Variants in RAD18 observed in about 807,000 individuals in gnomAD.
RAD18 encodes E3 ubiquitin-protein ligase RAD18.
A neutral mutation model predicts 60.4 loss-of-function variants in RAD18; 47 were observed. The ratio of observed to expected loss-of-function variants is 0.78; its 90% CI spans 0.62 to 0.99. The LOEUF (loss-of-function observed/expected upper bound fraction) is 0.99. RAD18 is among the 50% of genes least tolerant of loss of function. The pLI is 0.00. For missense variants in RAD18, 640 were observed against 593.3 expected (o/e 1.08, Z -0.82); for synonymous variants, 225 against 195.5 (o/e 1.15, Z -1.26).
At chr3:8,888,267 G>A (rs967903540) in intron 12 of RAD18, among the ~76,000 whole-genome samples, 1 of 152,088 alleles carries the variant, frequency 6.6e-6, no homozygotes, top group South Asian at 2.1e-4. Flanking sequence ...CCTGTGTCTC[G>A]TGGCCACACT....
intron 6 of RAD18, among the ~76,000 whole-genome samples, chr3:8,938,143 T>C (rs190159317): frequency 1.3e-5 from 2 of 152,326 alleles, no homozygotes; most frequent in East Asian, 3.9e-4. Flanking sequence ...GGACTATTCA[T>C]TTACTCCAAA....
In RAD18 at chr3:8,941,632, C is replaced by G; in HGVS notation, c.439G>C (p.Glu147Gln). 6.2e-7 allele frequency: 1 copy of G among 1,614,128 alleles called. No individual in the cohort carries two copies. The highest frequency in any genetic ancestry group is 8.5e-7 in the Non-Finnish European group (1 of 1,180,016). The stretch of plus-strand genomic sequence containing the variant: ...CTTTTATTTTCTTTTATCAACAACT[C>G]TGATGTAGAACCACTCATTTCTCTG... Reference protein sequence around the residue: ...LIREMSGSTSELLIKENKSKF... With the variant: ...LIREMSGSTSQLLIKENKSKF... The change falls in exon 5 of 13, where the codon GAG (glutamate) becomes CAG (glutamine). Residue 147 changes from glutamate (E) to glutamine (Q), a missense_variant. Physicochemically the swap from Glu to Gln is conservative, Grantham distance 29. Coordinates refer to ENST00000264926, the MANE Select transcript of RAD18 (RefSeq NM_020165.4).
chr3:8,959,229 G>C (rs1941059433), intron 1 of RAD18, among the ~76,000 whole-genome samples: 1 of 152,220 alleles, frequency 6.6e-6, no homozygotes, highest in Non-Finnish European at 1.5e-5. Context: ...GCTTTAGACA[G>C]CTAAAGATGA....
chr3:8,909,277 G>A (rs1940065641), intron 9 of RAD18, among the ~76,000 whole-genome samples: 2 of 152,204 alleles, frequency 1.3e-5, no homozygotes, highest in South Asian at 4.1e-4. Flanking sequence ...TGTAGCTTAA[G>A]AGAAATCGAA....
intron 10 of RAD18, among the ~76,000 whole-genome samples, chr3:8,899,645 AAAT>A (rs551314254): frequency 1.9e-3 from 294 of 152,330 alleles, no homozygotes; most frequent in Middle Eastern, 6.8e-3. Context: ...TTGCAGATAA[AAAT>A]AAAGACCCCA....
At chr3:8,899,594 C>T (rs1939866713) in intron 10 of RAD18, among the ~76,000 whole-genome samples, 1 of 152,146 alleles carries the variant, frequency 6.6e-6, no homozygotes, top group South Asian at 2.1e-4. Flanking sequence ...ATCACATTTC[C>T]GTGCATTCTT....
At chr3:8,913,767 T>A (rs754648967) in intron 7 of RAD18, 47 bp from the exon 8 acceptor site, 31 of 1,222,608 alleles carry the variant, frequency 2.5e-5, no homozygotes, top group African/African-American at 2.5e-4. Context: ...ATGTCTTTTT[T>A]AATCACTGTA....
chr3:8,935,763 A>G (rs2125064751), intron 7 of RAD18, 108 bp downstream of exon 7: 1 of 1,079,440 alleles, frequency 9.3e-7, no homozygotes. Context: ...CGTCTTATCT[A>G]TCAAAAATGT....
At chr3:8,961,717 C>G (rs1160578564) in intron 1 of RAD18, among the ~76,000 whole-genome samples, 3 of 152,006 alleles carry the variant, frequency 2.0e-5, no homozygotes, top group South Asian at 4.1e-4. Flanking sequence ...CCAATGTGAG[C>G]AAAAAAATAC....
chr3:8,888,271 C>T (rs548763036), intron 12 of RAD18, among the ~76,000 whole-genome samples: 2 of 152,270 alleles, frequency 1.3e-5, no homozygotes, highest in East Asian at 3.9e-4. Flanking sequence ...TGTCTCGTGG[C>T]CACACTGACT....
chr3:8,926,942 T>A (rs372804730), intron 7 of RAD18, among the ~76,000 whole-genome samples: 4 of 151,964 alleles, frequency 2.6e-5, no homozygotes, highest in Admixed American at 1.3e-4. Context: ...GTTAGACCTA[T>A]AACCATAAAA....
At chr3:8,933,534 A>T (rs1345235605) in intron 7 of RAD18, among the ~76,000 whole-genome samples, 1 of 152,224 alleles carries the variant, frequency 6.6e-6, no homozygotes, top group Non-Finnish European at 1.5e-5. Context: ...AAACTATAGA[A>T]AAACCAGTTG....
At chr3:8,940,763 T>C (rs1210125012) in intron 5 of RAD18, among the ~76,000 whole-genome samples, 3 of 152,234 alleles carry the variant, frequency 2.0e-5, no homozygotes, top group Non-Finnish European at 4.4e-5. Flanking sequence ...AGTGAGGATC[T>C]GGATAGAGTC....
Position 8,920,629 on chromosome 3 carries a change from G to T in RAD18, c.890-6909C>A, listed in dbSNP as rs1940301374. Reference sequence around the variant, plus strand: ...ATGAGGGGTACACAGATGTCAAATGGCTCTAGATGTAATATTCCGAAGACA... The same window carrying T: ...ATGAGGGGTACACAGATGTCAAATGTCTCTAGATGTAATATTCCGAAGACA... On this transcript the variant is annotated intron_variant, in intron 7 of 12. Transcript: ENST00000264926. Among the ~76,000 whole-genome samples, 3 of 151,388 alleles carry T rather than the reference G, an allele frequency of 2.0e-5. No individual in the cohort carries two copies. In the Admixed American group the frequency reaches 2.0e-4, roughly 10 times the overall value.
chr3:8,950,036 T>G (rs918027102), intron 2 of RAD18, among the ~76,000 whole-genome samples: 4 of 152,018 alleles, frequency 2.6e-5, no homozygotes, highest in African/African-American at 9.7e-5. Flanking sequence ...TTTTGTTTTG[T>G]TTTTTCCCCT....
intron 4 of RAD18, among the ~76,000 whole-genome samples, chr3:8,946,064 CT>C (rs60049161): frequency 0.83 from 127,039 of 152,180 alleles, 53,254 homozygotes; most frequent in South Asian, 0.9. Context: ...TGGTAAGGGC[CT>C]TAGGCCTTCA....
At chr3:8,899,725 T>G (rs569849808) in intron 10 of RAD18, among the ~76,000 whole-genome samples, 1 of 152,360 alleles carries the variant, frequency 6.6e-6, no homozygotes, top group South Asian at 2.1e-4. Flanking sequence ...TCTACAAATA[T>G]GAGTGGAAGA....
chr3:8,947,429 T>C (rs902607373), intron 3 of RAD18, 139 bp from the exon 4 acceptor site: 3 of 666,602 alleles, frequency 4.5e-6, no homozygotes, highest in Non-Finnish European at 7.9e-6. Context: ...CAAAATAAAG[T>C]TCATTTATCT....
intron 6 of RAD18, among the ~76,000 whole-genome samples, chr3:8,936,509 C>T (rs1031841156): frequency 6.6e-6 from 1 of 152,196 alleles, no homozygotes; most frequent in Non-Finnish European, 1.5e-5. Flanking sequence ...ACAGGAACTT[C>T]TTAGTGAGTT....
Sources: gnomAD v4.1 joint callset for allele counts (sites outside exome capture counted in the v4.1 genomes callset) on GRCh38, gnomAD v4.1.1 for gene constraint, MANE v1.5 for transcripts, NCBI Gene and HGNC (gene_info 2026-07-23, HGNC 2026-07-21) for gene names.